The following WDR46 variants were observed in gnomAD, a reference collection of about 807,000 sequenced individuals.
WDR46 encodes WD repeat-containing protein 46.
In WDR46, 58 loss-of-function variants were observed where a neutral mutation model predicts 74.7. The ratio of observed to expected loss-of-function variants is 0.78; its 90% CI spans 0.63 to 0.97. The LOEUF is 0.97. WDR46 is among the 50% of genes least tolerant of loss of function. WDR46 has a pLI of 0.00. For synonymous variants in WDR46, 278 were observed against 297.3 expected (o/e 0.93, Z 0.67); for missense variants, 702 against 790.1 (o/e 0.89, Z 1.34).
intron 10 of WDR46, among the ~76,000 whole-genome samples, chr6:33,282,074 G>C (rs1029694386): frequency 1.3e-5 from 2 of 152,164 alleles, no homozygotes; most frequent in African/African-American, 4.8e-5. Flanking sequence ...TGCCCACCTT[G>C]GCCTCCCAGA....
rs1767030267 is a variant in WDR46 at position 33,289,150 on chromosome 6, C to T, written c.21G>A (p.Pro7=). 1.2e-6 allele frequency: 2 copies of T among 1,613,350 alleles called. No individual in the cohort carries two copies. The highest frequency in any genetic ancestry group is 2.2e-5 in the East Asian group (1 of 44,852). The change falls in exon 1 of 15, where the codon CCG becomes CCA. Residue 7 remains proline (P), a synonymous_variant. Transcript: ENST00000374617. METAPK[P]GKDVPPKKDK... ...CTTTCTTGGGCGGGACATCCTTGCC[C>T]GGCTTGGGGGCTGTCTCCATCTCGC...
chr6:33,286,715 C>G, intron 10 of WDR46, 80 bp downstream of exon 10: 1 of 1,369,756 alleles, frequency 7.3e-7, no homozygotes, highest in Non-Finnish European at 1.0e-6. Context: ...GCTTTAGACT[C>G]TGTGCTCCTA....
In WDR46 at chr6:33,280,894, T is replaced by C. The variant is rs1562615699; in HGVS notation, c.1209A>G (p.Gly403=). The change falls in exon 11 of 15, where the codon GGA becomes GGG. Residue 403 remains glycine (G), a synonymous_variant. Coordinates refer to ENST00000374617, the MANE Select transcript of WDR46 (RefSeq NM_005452.6). The part of the protein sequence containing the change: ...QPLSTRTLPH[G]AGHLAFSQRG... ...TCTGGGAGAAGGCCAGGTGCCCTGC[T>C]CCATGGGGCAGGGTCCGAGTGCTCA... 1 of 1,614,186 alleles carries C rather than the reference T, an allele frequency of 6.2e-7. No individual in the cohort carries two copies. Among genetic ancestry groups the C allele is most frequent in the South Asian group, 1.1e-5 (1 of 91,082 alleles).
Position 33,279,273 on chromosome 6 carries a change from G to A in WDR46, c.*3C>T, listed in dbSNP as rs1765897072. On this transcript the variant is annotated 3_prime_UTR_variant, in exon 15 of 15. Coordinates refer to ENST00000374617, the MANE Select transcript of WDR46 (RefSeq NM_005452.6). ...CTGTTCCCAGGCAACCCTGGAGTCT[G>A]GCTCAGCGCACAAATCTGTCCAGGG... 6.2e-7 allele frequency: 1 copy of A among 1,614,178 alleles called. No individual in the cohort carries two copies. The highest frequency in any genetic ancestry group is 2.2e-5 in the East Asian group (1 of 44,892).
intron 10 of WDR46, among the ~76,000 whole-genome samples, chr6:33,285,709 G>A (rs1425627607): frequency 6.6e-6 from 1 of 152,054 alleles, no homozygotes; most frequent in African/African-American, 2.4e-5. Context: ...ATTTTTAGTA[G>A]AGACAGAGTT....
In WDR46 at chr6:33,280,960, G is replaced by A. The variant is rs756118182; in HGVS notation, c.1143C>T (p.His381=). 6.2e-7 allele frequency: 1 copy of A among 1,612,316 alleles called. No homozygotes were observed. Among genetic ancestry groups the A allele is most frequent in the Non-Finnish European group, 8.5e-7 (1 of 1,178,938 alleles). The part of the protein sequence containing the change: ...GTYMATSGLD[H]QLKIFDLRGT... ...CTCGCAAGTCAAAGATCTTCAGCTG[G>A]TGGTCTAGGCCAGAGGTGGCCATGT... The change falls in exon 11 of 15, where the codon CAC becomes CAT. Residue 381 remains histidine, a synonymous_variant. Coordinates refer to ENST00000374617, the MANE Select transcript of WDR46 (RefSeq NM_005452.6).
Position 33,289,207 on chromosome 6 carries a change from C to T in WDR46, c.-37G>A, listed in dbSNP as rs463260. ...GAACGGCGATCCACGTGCAAAACTC[C>T]TCTCAGCTGCCACACAGTCGGCTTG... On this transcript the variant is annotated 5_prime_UTR_variant, in exon 1 of 15. Coordinates refer to ENST00000374617, the MANE Select transcript of WDR46 (RefSeq NM_005452.6). 0.54 allele frequency: 860,350 copies of T among 1,592,550 alleles called. 235,887 individuals are homozygous for T. Among genetic ancestry groups the T allele is most frequent in the African/African-American group, 0.74 (54,806 of 73,970 alleles).
In WDR46 at chr6:33,279,491, A is replaced by G. The variant is rs530098264; in HGVS notation, c.1734+6T>C. 6.8e-6 allele frequency: 11 copies of G among 1,612,394 alleles called. No individual in the cohort carries two copies. Among genetic ancestry groups the G allele is most frequent in the African/African-American group, 2.7e-5 (2 of 75,062 alleles). ...GAAGGCCCGGCCCATGCCAATGCTC[A>G]TTTACCCTGTGTTCCTCATCCATGA... On this transcript the variant is annotated splice_donor_region_variant and intron_variant, in intron 14 of 14. Coordinates refer to ENST00000374617, the MANE Select transcript of WDR46 (RefSeq NM_005452.6).
chr6:33,280,350 CACCCTCTCCAGGACGGGGGAACCTG>C (rs1766044562), intron 12 of WDR46, 53 bp downstream of exon 12: 39 of 1,471,832 alleles, frequency 2.6e-5, no homozygotes, highest in Non-Finnish European at 3.4e-5. Context: ...GGAGGAACCT[CACCCTCTCCAGGACGGGGGAACCTG>C]ACCCTCTCCA....
At position 33,280,517 on chromosome 6, in the gene WDR46, C is replaced by T. The variant is rs535388081; in HGVS notation, c.1435G>A (p.Gly479Ser). The T allele has an allele frequency of 1.7e-5, 28 of 1,600,978 alleles. No individual in the cohort carries two copies. The highest frequency in any genetic ancestry group is 1.5e-4 in the Admixed American group (9 of 58,266). ...GITSMLVPGA[G>S]EPNFDGLESN... ...TCCAGGCCATCGAAGTTGGGCTCAC[C>T]GGCCCCTGAAGGGAGGGAGGGAGAA... The change falls in exon 12 of 15, where the codon GGT (glycine) becomes AGT (serine). Residue 479 changes from glycine (G) to serine (S), a missense_variant. Physicochemically the swap from Gly to Ser is moderately conservative, Grantham distance 56. Transcript: ENST00000374617.
intron 4 of WDR46, 40 bp downstream of exon 4, chr6:33,288,318 A>G (rs1177184889): frequency 2.5e-6 from 4 of 1,613,282 alleles, no homozygotes; most frequent in Non-Finnish European, 3.4e-6. Flanking sequence ...AGACAGTCCC[A>G]AAAGGCAGGG....
intron 10 of WDR46, chr6:33,284,709 A>G (rs1176996022): frequency 2.6e-5 from 4 of 153,804 alleles, no homozygotes; most frequent in African/African-American, 7.2e-5. Context: ...TATAGCCCAC[A>G]AGCCAAGAAT....
chr6:33,288,618 C>T lies in WDR46; in HGVS notation c.356G>A (p.Arg119Gln), dbSNP rs749988211. Reference sequence around the variant, plus strand: ...AACTCTCCGGCTGGACCTCACCTTTCGGGATTTGTCAATGCGACAGAACTT... The same window carrying T: ...AACTCTCCGGCTGGACCTCACCTTTTGGGATTTGTCAATGCGACAGAACTT... ...VQKFCRIDKS[R>Q]KLPHSKAKTR... Residue 119 changes from arginine (R) to glutamine (Q), a missense_variant, in exon 3 of 15, where the codon CGA (arginine) becomes CAA (glutamine). Arg to Gln is a conservative substitution (Grantham distance 43, BLOSUM62 1). Transcript: ENST00000374617. 5 of 1,610,250 alleles carry T rather than the reference C, an allele frequency of 3.1e-6. No homozygotes were observed. The highest frequency in any genetic ancestry group is 4.2e-6 in the Non-Finnish European group (5 of 1,178,820).
intron 12 of WDR46, 62 bp from the exon 13 acceptor site, chr6:33,279,921 A>T: frequency 7.1e-6 from 11 of 1,557,892 alleles, no homozygotes; most frequent in Non-Finnish European, 9.6e-6. Flanking sequence ...CACCAAAAAG[A>T]GAAGCCAGGG....
chr6:33,286,693 C>T, intron 10 of WDR46, 102 bp downstream of exon 10: 5 of 1,109,034 alleles, frequency 4.5e-6, no homozygotes, highest in Non-Finnish European at 6.7e-6. Flanking sequence ...CGATTTAAAC[C>T]TGGGCATCCT....
chr6:33,282,267 A>C (rs182325115), intron 10 of WDR46, among the ~76,000 whole-genome samples: 2 of 152,322 alleles, frequency 1.3e-5, no homozygotes, highest in East Asian at 3.9e-4. Context: ...AGAGACTTGC[A>C]CAGTGATGGA....
intron 10 of WDR46, among the ~76,000 whole-genome samples, chr6:33,283,382 G>A (rs1045953471): frequency 4.0e-5 from 6 of 151,836 alleles, no homozygotes; most frequent in African/African-American, 1.5e-4. Flanking sequence ...CTTGAGCCCA[G>A]GAGTTCAAGA....
At position 33,288,880 on chromosome 6, in the gene WDR46, C is replaced by T; in HGVS notation, c.203G>A (p.Arg68Gln). ...PKNAYILKKS[R>Q]ISKKPQVPKK... ...CGGGACCTGAGGCTTCTTAGAGATC[C>T]GAGACTTCTTTAAGATGTAAGCATT... is the stretch of plus-strand genomic sequence containing the variant. The change falls in exon 2 of 15, where the codon CGG becomes CAG. Residue 68 changes from arginine (R) to glutamine (Q), a missense_variant. Transcript: ENST00000374617. 6.2e-7 allele frequency: 1 copy of T among 1,614,116 alleles called. No homozygotes were observed. The highest frequency in any genetic ancestry group is 1.1e-5 in the South Asian group (1 of 91,080).
intron 10 of WDR46, among the ~76,000 whole-genome samples, chr6:33,286,429 A>AG (rs1215635330): frequency 1.3e-5 from 2 of 152,178 alleles, no homozygotes; most frequent in Non-Finnish European, 2.9e-5. Context: ...CCTGGGTGTC[A>AG]GAGCGAGACT....
Sources: allele counts gnomAD v4.1 joint callset (sites outside exome capture counted in the v4.1 genomes callset), GRCh38; gene constraint gnomAD v4.1.1; transcripts MANE v1.5; gene names NCBI Gene and HGNC (gene_info 2026-07-23, HGNC 2026-07-21).